RIMBP2: variants seen among roughly 807,000 people sequenced by gnomAD.
RIMBP2 encodes RIMS-binding protein 2.
In RIMBP2, 48 loss-of-function variants were observed where a neutral mutation model predicts 118.6. That is an observed-to-expected ratio of 0.40 (90% CI 0.32 to 0.51). The LOEUF is 0.51. Ranked by LOEUF, RIMBP2 falls within the 20% of genes least tolerant of loss-of-function variation. The pLI is 0.41. For missense variants in RIMBP2, 1,551 were observed against 1,768.3 expected (o/e 0.88, Z 2.20); for synonymous variants, 762 against 742.9 (o/e 1.03, Z -0.42).
At chr12:130,517,960 T>C (rs1206275814) in intron 2 of RIMBP2, 43 bp from the exon 3 acceptor site, 5 of 841,712 alleles carry the variant, frequency 5.9e-6, no homozygotes, top group Non-Finnish European at 7.2e-6. Context: ...GCCCCCATGT[T>C]TAGAGACTTG....
At chr12:130,585,157 G>T (rs866250011) in intron 2 of RIMBP2, among the ~76,000 whole-genome samples, 37 of 152,176 alleles carry the variant, frequency 2.4e-4, no homozygotes, top group African/African-American at 8.2e-4. Context: ...CTGAAAGTGA[G>T]AGGTTAACAG....
intron 6 of RIMBP2, among the ~76,000 whole-genome samples, chr12:130,457,152 A>G (rs954970315): frequency 1.3e-5 from 2 of 152,164 alleles, no homozygotes; most frequent in Non-Finnish European, 2.9e-5. Flanking sequence ...GACTCAGGGG[A>G]GCAGCTCAGG....
intron 1 of RIMBP2, among the ~76,000 whole-genome samples, chr12:130,704,704 C>T (rs1208701552): frequency 6.6e-6 from 1 of 152,160 alleles, no homozygotes; most frequent in South Asian, 2.1e-4. Flanking sequence ...GGACTCATAA[C>T]CCCTCGCCCT....
At chr12:130,526,583 T>A (rs530694528) in intron 2 of RIMBP2, among the ~76,000 whole-genome samples, 2 of 152,214 alleles carry the variant, frequency 1.3e-5, no homozygotes, top group Non-Finnish European at 2.9e-5. Flanking sequence ...CTTAAAGTTG[T>A]TTCTCTTTGA....
At chr12:130,535,825 C>T (rs1403490958) in intron 2 of RIMBP2, among the ~76,000 whole-genome samples, 1 of 149,412 alleles carries the variant, frequency 6.7e-6, no homozygotes, top group Non-Finnish European at 1.5e-5. Context: ...GTCACTCAGG[C>T]TGGAGTGCAG....
At chr12:130,675,508 G>C (rs886644607) in intron 1 of RIMBP2, among the ~76,000 whole-genome samples, 5 of 152,130 alleles carry the variant, frequency 3.3e-5, no homozygotes, top group Admixed American at 2.6e-4. Context: ...CAATGCCCAG[G>C]CCTCCTTCCT....
In RIMBP2 at chr12:130,446,170, C is replaced by A. The variant is rs1225006186; in HGVS notation, c.582-901G>T. Among the ~76,000 whole-genome samples the A allele has an allele frequency of 6.6e-6, 1 of 151,842 alleles. No individual in the cohort carries two copies. The highest frequency in any genetic ancestry group is 1.5e-5 in the Non-Finnish European group (1 of 67,974). ...AATTGGGGATTCTCTAAATAAAAGGCAAATTAACTTAAAATAACAGCGAAG... is the reference window on the plus strand; with the variant it reads ...AATTGGGGATTCTCTAAATAAAAGGAAAATTAACTTAAAATAACAGCGAAG... On this transcript the variant is annotated intron_variant, in intron 9 of 22. Coordinates refer to ENST00000690449, the MANE Select transcript of RIMBP2 (RefSeq NM_001393629.1). The surrounding 1 kb of genome is among the most constrained non-coding windows in gnomAD (Gnocchi z 4.1).
Position 130,558,287 on chromosome 12 carries a change from G to A in RIMBP2, c.-216-40370C>T, listed in dbSNP as rs75468692. ...CTAATAACACCCTAACAATTAGAAG[G>A]CAGATAAATCTGGAAATAAACATTT... On this transcript the variant is annotated intron_variant, in intron 2 of 22. Transcript: ENST00000690449. Among the ~76,000 whole-genome samples the A allele has an allele frequency of 3.2e-3, 492 of 152,146 alleles. 3 individuals are homozygous for A. The highest frequency in any genetic ancestry group is 0.024 in the Middle Eastern group (7 of 294).
intron 17 of RIMBP2, chr12:130,414,682 C>T (rs552329488): frequency 1.8e-5 from 3 of 171,330 alleles, no homozygotes; most frequent in South Asian, 1.6e-4. Flanking sequence ...GCACAGCCCA[C>T]GTTTAAAATG....
intron 4 of RIMBP2, among the ~76,000 whole-genome samples, chr12:130,493,529 G>A (rs558801570): frequency 5.5e-4 from 83 of 152,168 alleles, no homozygotes; most frequent in Non-Finnish European, 8.5e-4. Context: ...TGGCCAGGCT[G>A]GTCTCAAACT....
At chr12:130,441,742 AGGATGG>A in intron 11 of RIMBP2, 100 bp downstream of exon 11, 1 of 972,124 alleles carries the variant, frequency 1.0e-6, no homozygotes, top group Non-Finnish European at 1.5e-6. Context: ...TCATGTTGTC[AGGATGG>A]GGATTCCTGC....
chr12:130,454,391 C>A (rs544197712), intron 7 of RIMBP2, among the ~76,000 whole-genome samples: 1 of 152,216 alleles, frequency 6.6e-6, no homozygotes, highest in Non-Finnish European at 1.5e-5. Flanking sequence ...GAGGGGCCTG[C>A]GCTGTCTGCA....
chr12:130,421,610 C>T lies in RIMBP2; in HGVS notation c.3238+843G>A, dbSNP rs74864640. 3.8e-3 allele frequency among the ~76,000 whole-genome samples: 578 copies of T among 152,114 alleles called. 3 individuals carry two copies. Among genetic ancestry groups the T allele is most frequent in the African/African-American group, 0.013 (549 of 41,492 alleles). ...TGGCCTAGACTATCCAGAAGTTATC[C>T]TCCTTGAGCCCTGTCATGCCAAACC... On this transcript the variant is annotated intron_variant, in intron 17 of 22. Transcript: ENST00000690449.
At chr12:130,512,326 TTTC>T (rs1012935823) in intron 3 of RIMBP2, among the ~76,000 whole-genome samples, 2 of 145,120 alleles carry the variant, frequency 1.4e-5, no homozygotes, top group African/African-American at 5.2e-5. Flanking sequence ...AGTCCATTGC[TTTC>T]TTTTTTTTTT....
intron 2 of RIMBP2, among the ~76,000 whole-genome samples, chr12:130,616,930 G>GTGTGGGC (rs1401188078): frequency 6.6e-6 from 1 of 152,204 alleles, no homozygotes; most frequent in Non-Finnish European, 1.5e-5. Context: ...GGGACTGCTT[G>GTGTGGGC]TGTGGGCTGT....
At position 130,470,442 on chromosome 12, in the gene RIMBP2, T is replaced by C. The variant is rs142994303; in HGVS notation, c.153+251A>G. ...CACATCTGAGACACACAGTTCTGGGTCTGGATGTGTGGCCAAGGGAAAGCT... is the reference window on the plus strand; with the variant it reads ...CACATCTGAGACACACAGTTCTGGGCCTGGATGTGTGGCCAAGGGAAAGCT... On this transcript the variant is annotated intron_variant, in intron 6 of 22. Transcript: ENST00000690449. 277 of 365,998 alleles carry C rather than the reference T, an allele frequency of 7.6e-4. 1 individual carries two copies. Among genetic ancestry groups the C allele is most frequent in the African/African-American group, 3.7e-3 (180 of 48,042 alleles). 22.7% of individuals were successfully genotyped at this position (365,998 alleles called of 1,614,324 possible).
chr12:130,484,625 C>G lies in RIMBP2; in HGVS notation c.-3-5609G>C, dbSNP rs536520449. Reference sequence around the variant, plus strand: ...CACAGATGCCAAATAATCAAACTGCCGCCTTCATGGCCTCTTGGAGCTCAG... The same window carrying G: ...CACAGATGCCAAATAATCAAACTGCGGCCTTCATGGCCTCTTGGAGCTCAG... On this transcript the variant is annotated intron_variant, in intron 4 of 22. Transcript: ENST00000690449. Among the ~76,000 whole-genome samples, 3 of 152,356 alleles carry G rather than the reference C, an allele frequency of 2.0e-5. No homozygotes were observed. In the East Asian group the frequency reaches 5.8e-4, roughly 29 times the overall value.
intron 10 of RIMBP2, among the ~76,000 whole-genome samples, chr12:130,443,747 G>A (rs1230249169): frequency 6.6e-6 from 1 of 152,230 alleles, no homozygotes; most frequent in African/African-American, 2.4e-5. Context: ...CATAGGAGGA[G>A]ATGGAGGTGA....
At chr12:130,514,368 G>A (rs1039127971) in intron 3 of RIMBP2, among the ~76,000 whole-genome samples, 4 of 152,216 alleles carry the variant, frequency 2.6e-5, no homozygotes, top group Non-Finnish European at 5.9e-5. Flanking sequence ...TGAATCCTGC[G>A]GGAGCAGGGA....
Sources: gnomAD v4.1 joint callset for allele counts (sites outside exome capture counted in the v4.1 genomes callset) on GRCh38, gnomAD v4.1.1 for gene constraint, Gnocchi (gnomAD v3.1) non-coding constraint, MANE v1.5 for transcripts, NCBI Gene and HGNC (gene_info 2026-07-23, HGNC 2026-07-21) for gene names.